ZNF91: variants seen among roughly 807,000 people sequenced by gnomAD.
ZNF91 encodes the protein zinc finger protein 91.
A neutral mutation model predicts 12.6 loss-of-function variants in ZNF91; 7 were observed. That is an observed-to-expected ratio of 0.55 (90% CI 0.31 to 1.04). ZNF91 has a LOEUF of 1.04. Ranked by LOEUF, ZNF91 falls within the 50% of genes least tolerant of loss-of-function variation. The pLI is 0.05. For synonymous variants in ZNF91, 453 were observed against 462.6 expected (o/e 0.98, Z 0.27); for missense variants, 1,217 against 1,385.4 (o/e 0.88, Z 1.93).
At chr19:23,384,632 T>C (rs1969816188) in intron 1 of ZNF91, 1 of 734,042 alleles carries the variant, frequency 1.4e-6, no homozygotes, top group Non-Finnish European at 2.0e-6. Context: ...GTCCCCCTCT[T>C]GGAGGCTTTT....
intron 3 of ZNF91, among the ~76,000 whole-genome samples, chr19:23,370,996 T>C (rs542771760): frequency 1.7e-4 from 26 of 152,100 alleles, no homozygotes; most frequent in African/African-American, 6.3e-4. Context: ...ATGGTGAAAA[T>C]AATGCTATTT....
rs377387685 is a variant in ZNF91 at position 23,373,829 on chromosome 19, G to A, written c.166C>T (p.Leu56Phe). ...YRNLAFLGIA[L>F]SKPDLITYLE... ...TAAGTAATCAGGTCTGGCTTAGAGA[G>A]AGCAATACCTGTTTTATTAAAAATA... Residue 56 changes from leucine (L) to phenylalanine (F), a missense_variant, in exon 3 of 4, where the codon CTC (leucine) becomes TTC (phenylalanine). This residue lies in a region of ZNF91 where 726 missense variants were observed against 895.5 expected (regional missense o/e 0.81). Coordinates refer to ENST00000300619, the MANE Select transcript of ZNF91 (RefSeq NM_003430.4). 87 of 1,596,576 alleles carry A rather than the reference G, an allele frequency of 5.4e-5. No individual in the cohort carries two copies. The highest frequency in any genetic ancestry group is 6.5e-5 in the Non-Finnish European group (76 of 1,172,496).
chr19:23,340,506 A>G (rs188005764), intron 3 of ZNF91, among the ~76,000 whole-genome samples: 185 of 152,224 alleles, frequency 1.2e-3, no homozygotes, highest in Non-Finnish European at 1.5e-3. Flanking sequence ...TGAACAAACC[A>G]ATACTGAGTA....
intron 3 of ZNF91, among the ~76,000 whole-genome samples, chr19:23,368,381 G>A (rs1311195790): frequency 2.4e-5 from 3 of 124,098 alleles, no homozygotes; most frequent in East Asian, 2.0e-4. Context: ...CAGGCGGGGC[G>A]GCACGTGCCT....
At chr19:23,391,729 T>C (rs1366346517) in intron 1 of ZNF91, among the ~76,000 whole-genome samples, 1 of 152,164 alleles carries the variant, frequency 6.6e-6, no homozygotes, top group Non-Finnish European at 1.5e-5. Flanking sequence ...TCCAGGGCTC[T>C]GTAGATTGTC....
intron 1 of ZNF91, among the ~76,000 whole-genome samples, chr19:23,323,670 TCTC>T (rs200409359): frequency 0.041 from 5,199 of 128,352 alleles, 305 homozygotes; most frequent in African/African-American, 0.14. Context: ...TTTCCTCTTC[TCTC>T]CTCCTCCTCT....
intron 3 of ZNF91, among the ~76,000 whole-genome samples, chr19:23,364,958 C>T (rs1968943889): frequency 6.6e-6 from 1 of 151,896 alleles, no homozygotes; most frequent in South Asian, 2.1e-4. Flanking sequence ...TATCAAAGCA[C>T]AATTAACAGA....
At chr19:23,390,264 C>T (rs1015657080) in intron 1 of ZNF91, among the ~76,000 whole-genome samples, 1 of 151,830 alleles carries the variant, frequency 6.6e-6, no homozygotes, top group Non-Finnish European at 1.5e-5. Flanking sequence ...TGTGGTGAGC[C>T]GAGATTGTGC....
In ZNF91 at chr19:23,359,413, A is replaced by C. The variant is rs967383794; in HGVS notation, c.3566T>G (p.Leu1189Arg). 6.2e-6 allele frequency: 7 copies of C among 1,135,428 alleles called. No homozygotes were observed. Among genetic ancestry groups the C allele is most frequent in the Non-Finnish European group, 9.0e-6 (7 of 777,096 alleles). 70.3% of individuals were successfully genotyped at this position (1,135,428 alleles called of 1,614,324 possible). ...AATTTTTTGTATTTTTTAGTAGAGA[A>C]GGGGTTTCACTGTGTTAGCCAGGAT... ...ETILANTVKP[L>R]LY The change falls in exon 4 of 4, where the codon CTT becomes CGT. Residue 1189 changes from leucine to arginine, a missense_variant. Leu to Arg is a moderately radical substitution (Grantham distance 102, BLOSUM62 -2). Coordinates refer to ENST00000300619, the MANE Select transcript of ZNF91 (RefSeq NM_003430.4).
chr19:23,346,178 CT>C (rs1156723665), intron 3 of ZNF91, among the ~76,000 whole-genome samples: 4 of 152,100 alleles, frequency 2.6e-5, no homozygotes, highest in African/African-American at 4.8e-5. Flanking sequence ...GACCCTACCT[CT>C]TATATTAGAG....
In ZNF91 at chr19:23,365,115, T is replaced by C. The variant is rs894721105; in HGVS notation, c.254-2390A>G. On this transcript the variant is annotated intron_variant, in intron 3 of 3. Coordinates refer to ENST00000300619, the MANE Select transcript of ZNF91 (RefSeq NM_003430.4). ...CTTAGAAGAAGAATATGGGAAAAAA[T>C]AATACAGAGATTACTTGAAAATAAA... 2.6e-5 allele frequency among the ~76,000 whole-genome samples: 4 copies of C among 151,260 alleles called. No homozygotes were observed. In the East Asian group the frequency reaches 7.8e-4, roughly 29 times the overall value.
chr19:23,355,698 T>G (rs1968468171), downstream of ZNF91, among the ~76,000 whole-genome samples: 1 of 152,090 alleles, frequency 6.6e-6, no homozygotes, highest in African/African-American at 2.4e-5. Flanking sequence ...CTTCACAATC[T>G]ATACATCTGA....
chr19:23,325,229 C>T (rs571874174), intron 1 of ZNF91: 1 of 152,066 alleles, frequency 6.6e-6, no homozygotes, highest in Admixed American at 6.5e-5. Context: ...ACAGTTGCCC[C>T]CAAAGTGGTC....
At chr19:23,346,578 T>C (rs116859775) in intron 3 of ZNF91, among the ~76,000 whole-genome samples, 2,109 of 152,294 alleles carry the variant, frequency 0.014, 28 homozygotes, top group Middle Eastern at 0.051. Context: ...TAGACCCAGC[T>C]ATCCCAGAAG....
chr19:23,373,426 C>T (rs1969373621), intron 3 of ZNF91, among the ~76,000 whole-genome samples: 1 of 146,204 alleles, frequency 6.8e-6, no homozygotes. Flanking sequence ...CTAATGAATA[C>T]ACTCAGTTAA....
intron 3 of ZNF91, among the ~76,000 whole-genome samples, chr19:23,346,168 G>T (rs1169333083): frequency 2.0e-5 from 3 of 152,026 alleles, no homozygotes; most frequent in African/African-American, 7.2e-5. Context: ...ATTTCCAGAA[G>T]ACCCTACCTC....
intron 1 of ZNF91, among the ~76,000 whole-genome samples, chr19:23,316,365 T>C (rs1319866641): frequency 1.3e-5 from 2 of 152,208 alleles, no homozygotes; most frequent in African/African-American, 2.4e-5. Context: ...TGTGACATAT[T>C]GCTGGCATCA....
Position 23,360,823 on chromosome 19 carries a change from C to T in ZNF91, c.2156G>A (p.Cys719Tyr). 6.2e-7 allele frequency: 1 copy of T among 1,613,428 alleles called. No individual in the cohort carries two copies. The highest frequency in any genetic ancestry group is 1.1e-5 in the South Asian group (1 of 91,046). The change falls in exon 4 of 4, where the codon TGT (cysteine) becomes TAT (tyrosine). Residue 719 changes from cysteine to tyrosine, a missense_variant. By Grantham distance (194) the Cys-to-Tyr change is radical. Around this residue, in one of 2 missense-constraint regions of ZNF91, gnomAD observed 726 missense variants for 895.5 expected, o/e 0.81. Transcript: ENST00000300619. ...TGAAGATCGATTAAAAGCTTTGCCA[C>T]ATTCTTCACATTTGTAGAGTTTCTC... ...AGEKLYKCEECGKAFNRSSNL... is the reference protein window; with the variant it reads ...AGEKLYKCEEYGKAFNRSSNL...
chr19:23,315,512 A>T (rs1967542406), upstream of ZNF91, among the ~76,000 whole-genome samples: 2 of 151,808 alleles, frequency 1.3e-5, no homozygotes, highest in South Asian at 4.1e-4. Flanking sequence ...CTGCCTGGTT[A>T]TTGTCCACAA....
Sources: gnomAD v4.1 joint callset for allele counts (sites outside exome capture counted in the v4.1 genomes callset) on GRCh38, gnomAD v4.1.1 for gene constraint, gnomAD v4.1.1 regional missense constraint, MANE v1.5 for transcripts, NCBI Gene and HGNC (gene_info 2026-07-23, HGNC 2026-07-21) for gene names.